Variants in TXNL1 observed in about 807,000 individuals in gnomAD.
TXNL1 encodes the protein thioredoxin like 1, also known as thioredoxin-like protein 1.
Under a neutral mutation model 35.5 loss-of-function variants are expected in TXNL1, and 14 were observed. That is an observed-to-expected ratio of 0.39 (90% CI 0.26 to 0.62). TXNL1 has a LOEUF of 0.62. Ranked by LOEUF, TXNL1 falls within the 20% of genes least tolerant of loss-of-function variation. TXNL1 has a pLI of 0.47. For missense variants in TXNL1, 263 were observed against 349.7 expected, an observed-to-expected ratio of 0.75 and a Z score of 1.98; for synonymous variants, 110 against 115.5, an observed-to-expected ratio of 0.95 and a Z score of 0.31.
chr18:56,612,304 C>A (rs1415289906), intron 6 of TXNL1, among the ~76,000 whole-genome samples: 1 of 151,706 alleles, frequency 6.6e-6, no homozygotes, highest in Non-Finnish European at 1.5e-5. Flanking sequence ...TCTGATATTC[C>A]TGTATCCATT....
At chr18:56,633,129 C>A (rs150234565) in intron 1 of TXNL1, among the ~76,000 whole-genome samples, 1 of 150,738 alleles carries the variant, frequency 6.6e-6, no homozygotes, top group Non-Finnish European at 1.5e-5. Context: ...CTAAGCAACA[C>A]GACAAAACCC....
chr18:56,617,923 A>G, intron 4 of TXNL1, 81 bp downstream of exon 4: 1 of 1,533,254 alleles, frequency 6.5e-7, no homozygotes. Context: ...GGAGAGACGT[A>G]AGCCACAAAA....
At chr18:56,618,269 TCA>T in intron 3 of TXNL1, 143 bp from the exon 4 acceptor site, 3 of 839,566 alleles carry the variant, frequency 3.6e-6, no homozygotes, top group East Asian at 5.5e-5. Context: ...AGTAGTCCTT[TCA>T]TTTGCATTTC....
At chr18:56,613,398 G>A (rs1295474358) in intron 6 of TXNL1, among the ~76,000 whole-genome samples, 1 of 151,942 alleles carries the variant, frequency 6.6e-6, no homozygotes, top group East Asian at 1.9e-4. Flanking sequence ...GTGTGAGCTG[G>A]GTTTCAATGC....
At chr18:56,624,187 G>C in intron 3 of TXNL1, 101 bp downstream of exon 3, 1 of 1,292,204 alleles carries the variant, frequency 7.7e-7, no homozygotes, top group African/African-American at 1.5e-5. Context: ...TTCTAAACCA[G>C]TAAGAGATAG....
intron 3 of TXNL1, among the ~76,000 whole-genome samples, chr18:56,623,482 C>T (rs1268180132): frequency 6.7e-6 from 1 of 150,094 alleles, no homozygotes; most frequent in Non-Finnish European, 1.5e-5. Flanking sequence ...TTTTAAAATT[C>T]ATTCTTTGAT....
rs386387792 is a variant in TXNL1 at position 56,626,797 on chromosome 18, C to CTTTTTTTTTTTTTTTTT, written c.99-357_99-341dup. ...TACAGGCGTGAGCCACCAAGCCGGT[C>CTTTTTTTTTTTTTTTTT]TTTTTTTTTTTTTTTTTTTTTTTTG... On this transcript the variant is annotated intron_variant, in intron 1 of 7. Coordinates refer to ENST00000217515, the MANE Select transcript of TXNL1 (RefSeq NM_004786.3). Among the ~76,000 whole-genome samples the CTTTTTTTTTTTTTTTTT allele has an allele frequency of 1.1e-3, 61 of 55,006 alleles. 8 individuals carry two copies. Among genetic ancestry groups the CTTTTTTTTTTTTTTTTT allele is most frequent in the African/African-American group, 3.3e-3 (48 of 14,698 alleles). 36.1% of individuals were successfully genotyped at this position (55,006 alleles called of 152,430 possible). A position where few individuals can be genotyped will look rare whatever the true frequency, so the allele number is the denominator to read the frequency against.
intron 6 of TXNL1, among the ~76,000 whole-genome samples, chr18:56,613,368 TA>T (rs1226888154): frequency 1.2e-4 from 18 of 152,212 alleles, no homozygotes; most frequent in Non-Finnish European, 2.4e-4. Context: ...CCCATTCCTC[TA>T]AATGACTGTA....
intron 7 of TXNL1, among the ~76,000 whole-genome samples, chr18:56,607,350 G>A (rs888927698): frequency 1.3e-5 from 2 of 150,612 alleles, no homozygotes; most frequent in Non-Finnish European, 3.0e-5. Context: ...TAGAGATGGA[G>A]TCTTACTATG....
At chr18:56,627,237 T>A (rs2024300369) in intron 1 of TXNL1, among the ~76,000 whole-genome samples, 1 of 152,176 alleles carries the variant, frequency 6.6e-6, no homozygotes, top group African/African-American at 2.4e-5. Context: ...CTAGCTTTGT[T>A]CTCACTGAGA....
intron 3 of TXNL1, among the ~76,000 whole-genome samples, chr18:56,621,024 T>A (rs1476971608): frequency 1.3e-5 from 2 of 152,178 alleles, no homozygotes; most frequent in African/African-American, 2.4e-5. Context: ...TTTGACAAAA[T>A]CTTTAAAATG....
At chr18:56,627,437 T>A (rs1290844940) in intron 1 of TXNL1, among the ~76,000 whole-genome samples, 1 of 152,182 alleles carries the variant, frequency 6.6e-6, no homozygotes, top group Non-Finnish European at 1.5e-5. Context: ...ACAGCCCAAG[T>A]CGTTTTGAGG....
chr18:56,633,205 T>C (rs1316030411), intron 1 of TXNL1, among the ~76,000 whole-genome samples: 1 of 152,102 alleles, frequency 6.6e-6, no homozygotes, highest in African/African-American at 2.4e-5. Flanking sequence ...CCCAGCACTT[T>C]GGGAGGCCGA....
intron 1 of TXNL1, among the ~76,000 whole-genome samples, chr18:56,631,650 G>A (rs553534891): frequency 1.1e-4 from 16 of 152,290 alleles, no homozygotes; most frequent in African/African-American, 3.1e-4. Flanking sequence ...CGGGCGCAGT[G>A]GCTCACGCCT....
intron 1 of TXNL1, among the ~76,000 whole-genome samples, chr18:56,633,504 G>A (rs1479487911): frequency 2.0e-5 from 3 of 147,420 alleles, no homozygotes; most frequent in African/African-American, 7.5e-5. Context: ...CTGTAGTTCC[G>A]ATTACTGCTG....
At chr18:56,631,905 A>C (rs1049956193) in intron 1 of TXNL1, among the ~76,000 whole-genome samples, 2 of 151,236 alleles carry the variant, frequency 1.3e-5, no homozygotes, top group African/African-American at 4.9e-5. Context: ...AGGCAAAAAC[A>C]GCGAAACTCT....
rs1371525447 is a variant in TXNL1 at position 56,600,094 on chromosome 18, A to G, written c.*2933T>C. On this transcript the variant is annotated 3_prime_UTR_variant, in exon 8 of 8. Coordinates refer to ENST00000217515, the MANE Select transcript of TXNL1 (RefSeq NM_004786.3). ...CTTATTACAGAATCAAAGCTTTTAG[A>G]CATTAAGAGGAACAAGGGAGGATCT... 6.6e-6 allele frequency: 1 copy of G among 152,232 alleles called. No individual in the cohort carries two copies. Among genetic ancestry groups the G allele is most frequent in the African/African-American group, 2.4e-5 (1 of 41,462 alleles). The allele number at this position is 152,232 out of a possible 1,614,324, so 9.4% of individuals were successfully genotyped here.
Position 56,600,629 on chromosome 18 carries a change from C to T in TXNL1, c.*2398G>A, listed in dbSNP as rs1021175590. 2.9e-5 allele frequency: 4 copies of T among 137,496 alleles called. No individual in the cohort carries two copies. The highest frequency in any genetic ancestry group is 8.3e-5 in the African/African-American group (3 of 35,994). The allele number at this position is 137,496 out of a possible 1,614,324, so 8.5% of individuals were successfully genotyped here. A position where few individuals can be genotyped will look rare whatever the true frequency, so the allele number is the denominator to read the frequency against. On this transcript the variant is annotated 3_prime_UTR_variant, in exon 8 of 8. Coordinates refer to ENST00000217515, the MANE Select transcript of TXNL1 (RefSeq NM_004786.3). ...GGGCAGGTTTCAACTCTAATTGTTA[C>T]GTGGCTGCCTCCAACAGTATATTGA...
In TXNL1 at chr18:56,624,288, A is replaced by T; in HGVS notation, c.369T>A (p.Tyr123Ter). Residue 123 changes from tyrosine to a stop codon, truncating the protein, a stop_gained and splice_region_variant, in exon 3 of 8, where the codon TAT (tyrosine) becomes TAA (stop). Coordinates refer to ENST00000217515, the MANE Select transcript of TXNL1 (RefSeq NM_004786.3). LOFTEE classifies it high-confidence loss of function. ...SNEDTDIPKG[Y>*]MDLMPFINKA... ...TGATTTCACTTTTCAGTCTACATAC[A>T]TAGCCTTTTGGAATATCTGTGTCCT... The T allele has an allele frequency of 6.2e-7, 1 of 1,612,516 alleles. No individual in the cohort carries two copies. The highest frequency in any genetic ancestry group is 1.1e-5 in the South Asian group (1 of 90,918).
Sources: gnomAD v4.1 joint callset for allele counts (sites outside exome capture counted in the v4.1 genomes callset) on GRCh38, gnomAD v4.1.1 for gene constraint, MANE v1.5 for transcripts, NCBI Gene and HGNC (gene_info 2026-07-23, HGNC 2026-07-21) for gene names.